FILIP1L: variants seen among roughly 807,000 people sequenced by gnomAD.
FILIP1L encodes filamin A-interacting protein 1-like.
A neutral mutation model predicts 96.6 loss-of-function variants in FILIP1L; 55 were observed. The ratio of observed to expected loss-of-function variants is 0.57; its 90% confidence interval spans 0.46 to 0.71. The LOEUF is 0.71. Among genes scored for constraint, FILIP1L ranks in the 30% least tolerant of loss-of-function variants. The pLI is 0.00. For missense variants in FILIP1L, 1,304 were observed against 1,321.2 expected, an observed-to-expected ratio of 0.99 and a Z score of 0.20; for synonymous variants, 467 against 473.9, an observed-to-expected ratio of 0.99 and a Z score of 0.19.
intron 1 of FILIP1L, among the ~76,000 whole-genome samples, chr3:100,084,257 A>G (rs946589967): frequency 3.3e-5 from 5 of 152,316 alleles, no homozygotes; most frequent in African/African-American, 1.2e-4. Context: ...GCTCATTTTA[A>G]AAGTCCCTTT....
At chr3:100,107,970 A>C (rs563516166) in intron 1 of FILIP1L, among the ~76,000 whole-genome samples, 1 of 152,090 alleles carries the variant, frequency 6.6e-6, no homozygotes, top group African/African-American at 2.4e-5. Context: ...GGTCAAGAAA[A>C]TTTCTGGTTT....
At chr3:99,993,032 G>A (rs567865592) in intron 1 of FILIP1L, among the ~76,000 whole-genome samples, 1 of 151,996 alleles carries the variant, frequency 6.6e-6, no homozygotes, top group African/African-American at 2.4e-5. Flanking sequence ...TGTAACTGTT[G>A]TTATACCAGT....
intron 1 of FILIP1L, among the ~76,000 whole-genome samples, chr3:100,085,940 G>T (rs2066002074): frequency 6.6e-6 from 1 of 152,200 alleles, no homozygotes; most frequent in African/African-American, 2.4e-5. Context: ...TCAGCATAAA[G>T]GTCACCACTT....
chr3:100,027,011 T>C (rs772208842), intron 1 of FILIP1L, among the ~76,000 whole-genome samples: 33 of 152,284 alleles, frequency 2.2e-4, no homozygotes, highest in Admixed American at 2.0e-4. Flanking sequence ...TTGTGACCTT[T>C]GTCCTTGCTG....
chr3:99,924,107 C>T, intron 4 of FILIP1L, 123 bp downstream of exon 4: 1 of 821,980 alleles, frequency 1.2e-6, no homozygotes, highest in South Asian at 1.7e-5. Flanking sequence ...TTTCCTCACC[C>T]TGGACTATGA....
At chr3:100,091,883 T>C (rs1042195340) in intron 1 of FILIP1L, among the ~76,000 whole-genome samples, 13 of 152,368 alleles carry the variant, frequency 8.5e-5, no homozygotes, top group African/African-American at 3.1e-4. Context: ...TAATTGAAAC[T>C]GTAAAGGCAG....
chr3:99,908,599 G>A (rs541547944), intron 4 of FILIP1L, among the ~76,000 whole-genome samples: 1 of 152,286 alleles, frequency 6.6e-6, no homozygotes, highest in South Asian at 2.1e-4. Context: ...CCAGTTACTA[G>A]CAGTGTGATC....
chr3:100,080,442 AT>A lies in FILIP1L; in HGVS notation c.-11+33610del, dbSNP rs71678141. 5.0e-3 allele frequency among the ~76,000 whole-genome samples: 761 copies of A among 152,310 alleles called. 5 individuals carry two copies. The highest frequency in any genetic ancestry group is 0.017 in the African/African-American group (716 of 41,562). On this transcript the variant is annotated intron_variant, in intron 1 of 5. Transcript: ENST00000477258. ...ACCCAGGGAACATGTTAAAATGTAG[AT>A]TTTGGGGAGTACCCTAGACAATTTC...
rs192663724 is a variant in FILIP1L at position 99,883,131 on chromosome 3, T to A, written c.606-32061A>T. Among the ~76,000 whole-genome samples the A allele has an allele frequency of 4.6e-3, 696 of 152,350 alleles. 2 individuals are homozygous for A. The highest frequency in any genetic ancestry group is 7.0e-3 in the South Asian group (34 of 4,830). ...TTGTGTCTACGCTTAGATTGAATTA[T>A]CTCTCAAAACTTCAGTGTTTTATCT... On this transcript the variant is annotated intron_variant, in intron 4 of 5. Transcript: ENST00000477258.
At chr3:99,922,060 A>G (rs1382194325) in intron 4 of FILIP1L, among the ~76,000 whole-genome samples, 1 of 152,220 alleles carries the variant, frequency 6.6e-6, no homozygotes, top group African/African-American at 2.4e-5. Context: ...CATTCCCACC[A>G]TAAATCTGTA....
intron 1 of FILIP1L, among the ~76,000 whole-genome samples, chr3:99,997,637 A>T (rs1010011689): frequency 6.6e-6 from 1 of 152,242 alleles, no homozygotes; most frequent in African/African-American, 2.4e-5. Context: ...GTGCTTCCAG[A>T]AAAAGTAAAA....
At chr3:99,969,288 G>A (rs1374509193) in intron 1 of FILIP1L, among the ~76,000 whole-genome samples, 1 of 152,176 alleles carries the variant, frequency 6.6e-6, no homozygotes, top group East Asian at 1.9e-4. Flanking sequence ...TGCAGAGAAG[G>A]ATGTAGCCTT....
At chr3:99,913,214 G>A (rs930270483) in intron 4 of FILIP1L, among the ~76,000 whole-genome samples, 2 of 152,086 alleles carry the variant, frequency 1.3e-5, no homozygotes, top group African/African-American at 4.8e-5. Context: ...CCAATCTCTG[G>A]TATTTTGTCA....
At chr3:100,093,419 A>C (rs1024977727) in intron 1 of FILIP1L, among the ~76,000 whole-genome samples, 1 of 152,160 alleles carries the variant, frequency 6.6e-6, no homozygotes, top group Non-Finnish European at 1.5e-5. Context: ...ATATACTTAC[A>C]TTATTTTTCT....
chr3:99,858,195 G>C (rs1324611747), intron 4 of FILIP1L, among the ~76,000 whole-genome samples: 1 of 152,212 alleles, frequency 6.6e-6, no homozygotes, highest in Non-Finnish European at 1.5e-5. Context: ...GCCAGATGCA[G>C]TGGCTCACAC....
intron 1 of FILIP1L, among the ~76,000 whole-genome samples, chr3:100,003,807 C>T (rs1709910582): frequency 6.6e-6 from 1 of 152,102 alleles, no homozygotes; most frequent in African/African-American, 2.4e-5. Context: ...GAGCAATAAC[C>T]ATTAAGTTCT....
intron 1 of FILIP1L, among the ~76,000 whole-genome samples, chr3:100,016,554 G>T (rs572495089): frequency 2.5e-4 from 38 of 152,254 alleles, no homozygotes; most frequent in Non-Finnish European, 4.6e-4. Flanking sequence ...AGGGTGCCTT[G>T]CTGAAACTTC....
chr3:100,019,722 G>T (rs1179051597), intron 1 of FILIP1L, among the ~76,000 whole-genome samples: 5 of 152,094 alleles, frequency 3.3e-5, no homozygotes, highest in African/African-American at 1.2e-4. Context: ...GTATGTTTGT[G>T]TAAGACTGCG....
At chr3:100,092,168 A>G (rs941539204) in intron 1 of FILIP1L, among the ~76,000 whole-genome samples, 1 of 152,238 alleles carries the variant, frequency 6.6e-6, no homozygotes, top group African/African-American at 2.4e-5. Flanking sequence ...ACTTTTTATC[A>G]TGGCTTTCAA....
Sources: allele counts gnomAD v4.1 joint callset (sites outside exome capture counted in the v4.1 genomes callset), GRCh38; gene constraint gnomAD v4.1.1; transcripts MANE v1.5; gene names NCBI Gene and HGNC (gene_info 2026-07-23, HGNC 2026-07-21).